GALNT18: variants seen among roughly 807,000 people sequenced by gnomAD.
GALNT18 encodes polypeptide N-acetylgalactosaminyltransferase 18, also known as GalNAc-transferase 18.
Under a neutral mutation model 69.5 loss-of-function variants are expected in GALNT18, and 44 were observed. The ratio of observed to expected loss-of-function variants is 0.63; its 90% confidence interval spans 0.50 to 0.81. The LOEUF is 0.81. Among genes scored for constraint, GALNT18 ranks in the 40% least tolerant of loss-of-function variants. The pLI is 0.00. For synonymous variants in GALNT18, 364 were observed against 318.2 expected (o/e 1.14, Z -1.53); for missense variants, 715 against 810.0 (o/e 0.88, Z 1.42).
intron 6 of GALNT18, chr11:11,353,333 C>T (rs1850459319): frequency 6.5e-6 from 4 of 619,090 alleles, no homozygotes; most frequent in Middle Eastern, 4.3e-4. Flanking sequence ...CAAATAAAAA[C>T]CTTCCCATCT....
chr11:11,412,556 C>T (rs1280704532), intron 3 of GALNT18, among the ~76,000 whole-genome samples: 1 of 152,258 alleles, frequency 6.6e-6, no homozygotes, highest in East Asian at 1.9e-4. Context: ...AAACCACAGT[C>T]TTGCTTAACA....
In GALNT18 at chr11:11,496,959, A is replaced by G. The variant is rs1856876401; in HGVS notation, c.236-48023T>C. On this transcript the variant is annotated intron_variant, in intron 1 of 10. Coordinates refer to ENST00000227756, the MANE Select transcript of GALNT18 (RefSeq NM_198516.3). The surrounding 1 kb of genome is among the most constrained non-coding windows in gnomAD (Gnocchi z 4.0). ...AACTGCCTCCCTTCTCACCTGGTAG[A>G]GCACCCAAATACTCCACCGTGGTCT... is the stretch of plus-strand genomic sequence containing the variant. 6.6e-6 allele frequency among the ~76,000 whole-genome samples: 1 copy of G among 152,124 alleles called. No individual in the cohort carries two copies.
At chr11:11,551,716 A>C (rs569330531) in intron 1 of GALNT18, among the ~76,000 whole-genome samples, 2 of 152,336 alleles carry the variant, frequency 1.3e-5, no homozygotes, top group East Asian at 3.9e-4. Context: ...AGAGACCACC[A>C]AACAGGCTTT....
rs557419139 is a variant in GALNT18, at chr11:11,562,340, A to G, written c.235+59019T>C. Among the ~76,000 whole-genome samples the G allele has an allele frequency of 2.6e-5, 4 of 152,106 alleles. No homozygotes were observed. The highest frequency in any genetic ancestry group is 4.8e-5 in the African/African-American group (2 of 41,474). ...CTGCGTGTCCATGTTTCCCCTTTAG[A>G]TGTGCACACCCGTCATATTGGATTG... is the stretch of plus-strand genomic sequence containing the variant. On this transcript the variant is annotated intron_variant, in intron 1 of 10. Transcript: ENST00000227756. The surrounding 1 kb of genome is among the most constrained non-coding windows in gnomAD (Gnocchi z 4.1).
intron 10 of GALNT18, among the ~76,000 whole-genome samples, chr11:11,276,466 A>G (rs1028010298): frequency 2.0e-5 from 3 of 152,136 alleles, no homozygotes; most frequent in African/African-American, 7.2e-5. Flanking sequence ...CAATCATGTC[A>G]TCTGCAAACA....
chr11:11,338,445 T>G lies in GALNT18; in HGVS notation c.1278+2374A>C, dbSNP rs1589918521. On this transcript the variant is annotated intron_variant, in intron 7 of 10. Transcript: ENST00000227756. The surrounding 1 kb of genome is among the most constrained non-coding windows in gnomAD (Gnocchi z 5.3). ...ATGCAGACATGAGGGGAGGTCGGGG[T>G]GGGAAGGAGGGCTTGTGATTGACTG... Among the ~76,000 whole-genome samples the G allele has an allele frequency of 6.6e-6, 1 of 151,078 alleles. No homozygotes were observed. Among genetic ancestry groups the G allele is most frequent in the African/African-American group, 2.4e-5 (1 of 40,976 alleles).
intron 9 of GALNT18, among the ~76,000 whole-genome samples, chr11:11,302,698 C>A (rs1260541551): frequency 6.6e-6 from 1 of 152,252 alleles, no homozygotes; most frequent in African/African-American, 2.4e-5. Flanking sequence ...AGGATATGCG[C>A]AGGATGCGTG....
intron 1 of GALNT18, among the ~76,000 whole-genome samples, chr11:11,545,977 G>C (rs1445155401): frequency 6.6e-6 from 1 of 152,178 alleles, no homozygotes; most frequent in African/African-American, 2.4e-5. Flanking sequence ...GAAAAGAACA[G>C]AGCTAACTTC....
At position 11,402,560 on chromosome 11, in the gene GALNT18, A is replaced by C. The variant is rs1053115412; in HGVS notation, c.596-23296T>G. On this transcript the variant is annotated intron_variant, in intron 3 of 10. Transcript: ENST00000227756. The surrounding 1 kb of genome is among the most constrained non-coding windows in gnomAD (Gnocchi z 4.0). ...CAGGGCATGGAGTTATGTGACACTG[A>C]GGACATCAGCCACAGCTCTTGGAGA... Among the ~76,000 whole-genome samples the C allele has an allele frequency of 6.6e-6, 1 of 152,232 alleles. No individual in the cohort carries two copies. The highest frequency in any genetic ancestry group is 1.9e-4 in the East Asian group (1 of 5,196).
intron 1 of GALNT18, among the ~76,000 whole-genome samples, chr11:11,608,564 T>G (rs1238853296): frequency 6.6e-6 from 1 of 152,134 alleles, no homozygotes; most frequent in Non-Finnish European, 1.5e-5. Context: ...GATTTCATCA[T>G]GTTGGTCAGG....
intron 10 of GALNT18, among the ~76,000 whole-genome samples, 175 bp from the exon 11 acceptor site, chr11:11,271,465 T>C (rs1338402932): frequency 1.3e-5 from 2 of 152,162 alleles, no homozygotes; most frequent in African/African-American, 4.8e-5. Flanking sequence ...TAGTCTCCTC[T>C]GGAAGACTGA....
rs971096473 is a variant in GALNT18, at chr11:11,562,443, G to A, written c.235+58916C>T. On this transcript the variant is annotated intron_variant, in intron 1 of 10. Coordinates refer to ENST00000227756, the MANE Select transcript of GALNT18 (RefSeq NM_198516.3). This position sits in a 1 kb window ranked among gnomAD's most constrained non-coding sequence, Gnocchi z 4.1. Reference sequence around the variant, plus strand: ...TCTCCAAATAAGGTTACATTCTGAGGTATTAGGGGTGAGGACTCCAAAATA... The same window carrying A: ...TCTCCAAATAAGGTTACATTCTGAGATATTAGGGGTGAGGACTCCAAAATA... Among the ~76,000 whole-genome samples the A allele has an allele frequency of 6.6e-6, 1 of 152,094 alleles. No individual in the cohort carries two copies. Among genetic ancestry groups the A allele is most frequent in the Admixed American group, 6.5e-5 (1 of 15,286 alleles).
Position 11,432,496 on chromosome 11 carries a change from A to T in GALNT18, c.595+125T>A. 1 of 967,572 alleles carries T rather than the reference A, an allele frequency of 1.0e-6. No individual in the cohort carries two copies. The highest frequency in any genetic ancestry group is 1.5e-6 in the Non-Finnish European group (1 of 663,242). 59.9% of individuals were successfully genotyped at this position (967,572 alleles called of 1,614,324 possible). On this transcript the variant is annotated intron_variant, in intron 3 of 10. Coordinates refer to ENST00000227756, the MANE Select transcript of GALNT18 (RefSeq NM_198516.3). This position sits in a 1 kb window ranked among gnomAD's most constrained non-coding sequence, Gnocchi z 5.8. ...AAGCAGTGGCCACCATGAATTTCTCATCTATGCTCCAGAGAAAGAGCAGCC... is the reference window on the plus strand; with the variant it reads ...AAGCAGTGGCCACCATGAATTTCTCTTCTATGCTCCAGAGAAAGAGCAGCC...
intron 1 of GALNT18, among the ~76,000 whole-genome samples, chr11:11,468,849 C>T (rs192858159): frequency 1.4e-4 from 22 of 152,306 alleles, no homozygotes. Context: ...TTATAAACCA[C>T]CGAAAGAAGG....
intron 9 of GALNT18, among the ~76,000 whole-genome samples, chr11:11,296,353 C>G (rs1849401160): frequency 6.6e-6 from 1 of 152,174 alleles, no homozygotes; most frequent in East Asian, 1.9e-4. Flanking sequence ...TGTGTGGAGC[C>G]TCAGCCTGCC....
intron 1 of GALNT18, among the ~76,000 whole-genome samples, chr11:11,491,764 G>C (rs920390535): frequency 6.6e-6 from 1 of 152,168 alleles, no homozygotes; most frequent in African/African-American, 2.4e-5. Flanking sequence ...AGATTGGATG[G>C]ACCAGGCCAA....
chr11:11,468,577 G>C (rs564145728), intron 1 of GALNT18, among the ~76,000 whole-genome samples: 1 of 152,146 alleles, frequency 6.6e-6, no homozygotes, highest in Non-Finnish European at 1.5e-5. Flanking sequence ...TTGCTCTAAG[G>C]GCAGGTGAGG....
At position 11,602,845 on chromosome 11, in the gene GALNT18, T is replaced by C. The variant is rs1342921950; in HGVS notation, c.235+18514A>G. 2.6e-5 allele frequency among the ~76,000 whole-genome samples: 4 copies of C among 152,300 alleles called. No individual in the cohort carries two copies. The highest frequency in any genetic ancestry group is 2.1e-4 in the South Asian group (1 of 4,818). ...CTTCACTTTGACCATATTTTCTGAA[T>C]TAAAAATAAGGGTGTATGGTCTGGC... is the stretch of plus-strand genomic sequence containing the variant. On this transcript the variant is annotated intron_variant, in intron 1 of 10. Coordinates refer to ENST00000227756, the MANE Select transcript of GALNT18 (RefSeq NM_198516.3). The surrounding 1 kb of genome is among the most constrained non-coding windows in gnomAD (Gnocchi z 4.7).
chr11:11,475,445 C>CT (rs777772111), intron 1 of GALNT18: 10 of 152,176 alleles, frequency 6.6e-5, no homozygotes, highest in Non-Finnish European at 1.3e-4. Context: ...GGGTGAGAAG[C>CT]TTAAGAGCAT....
Sources: allele counts gnomAD v4.1 joint callset (sites outside exome capture counted in the v4.1 genomes callset), GRCh38; gene constraint gnomAD v4.1.1; non-coding constraint Gnocchi (gnomAD v3.1); transcripts MANE v1.5; gene names NCBI Gene and HGNC (gene_info 2026-07-23, HGNC 2026-07-21).